RNF17: variants seen among roughly 807,000 people sequenced by gnomAD.
The protein encoded by RNF17 is spermatogenesis associated 23.
Under a neutral mutation model 200.5 loss-of-function variants are expected in RNF17, and 31 were observed. That is an observed-to-expected ratio of 0.15 (90% confidence interval 0.12 to 0.21). The LOEUF is 0.21. Ranked by LOEUF, RNF17 falls within the 10% of genes least tolerant of loss-of-function variation. RNF17 has a pLI of 1.00. For missense variants in RNF17, 1,628 were observed against 1,905.1 expected (o/e 0.85, Z 2.71); for synonymous variants, 606 against 637.8 (o/e 0.95, Z 0.75).
At chr13:24,795,295 T>TA (rs1338645126) in intron 10 of RNF17, among the ~76,000 whole-genome samples, 1 of 152,052 alleles carries the variant, frequency 6.6e-6, no homozygotes, top group Non-Finnish European at 1.5e-5. Flanking sequence ...CCCCCCATCC[T>TA]ATTCCCATTC....
At chr13:24,887,567 C>CG in the RNF17 span, among the ~76,000 whole-genome samples, 2 of 152,200 alleles carry the variant, frequency 1.3e-5, no homozygotes, top group African/African-American at 4.8e-5. Context: ...TGTCTCCCAT[C>CG]ACCCCCAGAT....
Position 24,861,383 on chromosome 13 carries a change from C to T in RNF17, c.3890C>T (p.Thr1297Ile). ...FCIPCQLHNT[T>I]PVGNVWQPDA... ...ATTCCTTGTCAGCTCCATAATACCA[C>T]ACCTGTGAGTACATAATAATTTGTG... Residue 1297 changes from threonine to isoleucine, a missense_variant, in exon 27 of 36, where the codon ACA (threonine) becomes ATA (isoleucine). Physicochemically the swap from Thr to Ile is moderately conservative, Grantham distance 89. Coordinates refer to ENST00000255324, the MANE Select transcript of RNF17 (RefSeq NM_031277.3). 5 of 1,544,926 alleles carry T rather than the reference C, an allele frequency of 3.2e-6. No individual in the cohort carries two copies. The highest frequency in any genetic ancestry group is 3.5e-6 in the Non-Finnish European group (4 of 1,138,524).
intron 15 of RNF17, chr13:24,824,321 T>C: frequency 1.6e-6 from 1 of 644,918 alleles, no homozygotes; most frequent in Non-Finnish European, 2.8e-6. Context: ...TTTTTAAATG[T>C]TCACTCTGGC....
At chr13:24,777,644 G>A (rs1881750816) in intron 3 of RNF17, among the ~76,000 whole-genome samples, 2 of 151,826 alleles carry the variant, frequency 1.3e-5, no homozygotes, top group South Asian at 4.2e-4. Context: ...TTAATAGCTG[G>A]CATTTGTATA....
At chr13:24,810,738 G>C (rs755367624) in intron 15 of RNF17, among the ~76,000 whole-genome samples, 3 of 147,360 alleles carry the variant, frequency 2.0e-5, no homozygotes, top group African/African-American at 5.2e-5. Flanking sequence ...TCCTAGTCTC[G>C]ATGGTCTTTA....
Position 24,813,474 on chromosome 13 carries a change from T to C in RNF17, c.2091+9045T>C, listed in dbSNP as rs1257788935. On this transcript the variant is annotated intron_variant, in intron 15 of 35. Coordinates refer to ENST00000255324, the MANE Select transcript of RNF17 (RefSeq NM_031277.3). ...CCCAAACCTTTGTCCATTTTTGTAA[T>C]TGGGTTGTTTATTTTGTTGTTGGAT... Among the ~76,000 whole-genome samples, 3 of 152,134 alleles carry C rather than the reference T, an allele frequency of 2.0e-5. No individual in the cohort carries two copies. In the East Asian group the frequency reaches 5.8e-4, roughly 29 times the overall value.
intron 9 of RNF17, among the ~76,000 whole-genome samples, chr13:24,791,879 C>T (rs1883901477): frequency 6.6e-6 from 1 of 152,126 alleles, no homozygotes; most frequent in African/African-American, 2.4e-5. Flanking sequence ...TCAGAAGTTA[C>T]TTTTTTGGTA....
At chr13:24,865,667 A>G (rs1279322106) in intron 29 of RNF17, among the ~76,000 whole-genome samples, 1 of 152,156 alleles carries the variant, frequency 6.6e-6, no homozygotes, top group East Asian at 1.9e-4. Flanking sequence ...ACATTGTTCT[A>G]TGGATAAAGA....
chr13:24,763,764 C>T (rs1212518473), upstream of RNF17, among the ~76,000 whole-genome samples: 1 of 152,184 alleles, frequency 6.6e-6, no homozygotes, highest in East Asian at 1.9e-4. Context: ...GATAGCTTCT[C>T]ATTAGCTTCT....
chr13:24,853,493 C>T (rs2863940), intron 24 of RNF17, among the ~76,000 whole-genome samples: 248 of 152,036 alleles, frequency 1.6e-3, no homozygotes, highest in African/African-American at 5.5e-3. Flanking sequence ...TTTTTGGATG[C>T]TAATAGCTTG....
intron 18 of RNF17, among the ~76,000 whole-genome samples, chr13:24,834,219 C>T (rs1889719519): frequency 6.6e-6 from 1 of 151,696 alleles, no homozygotes; most frequent in Admixed American, 6.6e-5. Flanking sequence ...CCAGCCTGGC[C>T]AACATGGTGA....
chr13:24,825,501 T>C (rs1888530350), intron 15 of RNF17, 118 bp from the exon 16 acceptor site: 1 of 724,078 alleles, frequency 1.4e-6, no homozygotes, highest in Non-Finnish European at 2.2e-6. Context: ...AATTGATAGA[T>C]TTACATTCAA....
chr13:24,775,807 A>G lies in RNF17; in HGVS notation c.317+903A>G, dbSNP rs76239507. Reference sequence around the variant, plus strand: ...TTCACTTAATTACTAATGCTTCTGTATGTCTTTTCCTGCTAGTCTGTAAGC... The same window carrying G: ...TTCACTTAATTACTAATGCTTCTGTGTGTCTTTTCCTGCTAGTCTGTAAGC... On this transcript the variant is annotated intron_variant, in intron 3 of 35. Coordinates refer to ENST00000255324, the MANE Select transcript of RNF17 (RefSeq NM_031277.3). Among the ~76,000 whole-genome samples, 811 of 152,214 alleles carry G rather than the reference A, an allele frequency of 5.3e-3. 22 individuals carry two copies. In the East Asian group the frequency reaches 0.081, roughly 15 times the overall value.
chr13:24,754,080 C>T, the RNF17 span, among the ~76,000 whole-genome samples: 1 of 151,774 alleles, frequency 6.6e-6, no homozygotes, highest in Non-Finnish European at 1.5e-5. Context: ...ATCACTTGAA[C>T]CCGGGAGGCG....
chr13:24,815,430 T>A (rs997706057), intron 15 of RNF17, among the ~76,000 whole-genome samples: 1 of 6,058 alleles, frequency 1.7e-4, no homozygotes, highest in Non-Finnish European at 3.2e-4. Context: ...CCTAACGGGG[T>A]GTGTGTGTGT....
chr13:24,837,695 G>A (rs1381212018), intron 18 of RNF17, among the ~76,000 whole-genome samples: 1 of 151,992 alleles, frequency 6.6e-6, no homozygotes, highest in East Asian at 1.9e-4. Context: ...TGCAAAGGCG[G>A]GTGCTAAGAA....
chr13:24,785,381 G>T (rs941684441), intron 6 of RNF17, among the ~76,000 whole-genome samples: 1 of 152,046 alleles, frequency 6.6e-6, no homozygotes, highest in East Asian at 1.9e-4. Context: ...ATCTTCCGGG[G>T]TTTTTTTCCT....
chr13:24,864,142 T>C (rs1893388999), intron 28 of RNF17, among the ~76,000 whole-genome samples: 1 of 152,146 alleles, frequency 6.6e-6, no homozygotes, highest in Non-Finnish European at 1.5e-5. Context: ...AAGGTAACAT[T>C]TGAGTCAACA....
At chr13:24,852,136 C>CTTTT (rs542414882) in intron 24 of RNF17, among the ~76,000 whole-genome samples, 7 of 123,388 alleles carry the variant, frequency 5.7e-5, no homozygotes, top group South Asian at 2.6e-4. Context: ...CTCTCTCTCT[C>CTTTT]TTTTTTTTTT....
Sources: allele counts gnomAD v4.1 joint callset (sites outside exome capture counted in the v4.1 genomes callset), GRCh38; gene constraint gnomAD v4.1.1; transcripts MANE v1.5; gene names NCBI Gene and HGNC (gene_info 2026-07-23, HGNC 2026-07-21).